The following RELCH variants were observed in gnomAD, a reference collection of about 807,000 sequenced individuals.
RELCH encodes the protein RAB11 binding and LisH domain, coiled-coil and HEAT repeat containing.
Under a neutral mutation model 150.3 loss-of-function variants are expected in RELCH, and 41 were observed. The observed-to-expected ratio is 0.27, with a 90% confidence interval of 0.21 to 0.35. The LOEUF (loss-of-function observed/expected upper bound fraction) is 0.35. Ranked by LOEUF, RELCH falls within the 10% of genes least tolerant of loss-of-function variation. RELCH has a pLI of 1.00. For synonymous variants in RELCH, 478 were observed against 531.8 expected (o/e 0.90, Z 1.39); for missense variants, 1,092 against 1,467.8 (o/e 0.74, Z 4.18).
intron 10 of RELCH, among the ~76,000 whole-genome samples, chr18:62,241,693 G>A (rs540345937): frequency 1.1e-4 from 17 of 152,230 alleles, no homozygotes; most frequent in Admixed American, 1.0e-3. Flanking sequence ...TATAAGGAAA[G>A]TTTTAAGACT....
rs144975494 is a variant in RELCH, at chr18:62,266,144, TAAAC to T, written c.2632-552_2632-549del. Among the ~76,000 whole-genome samples the T allele has an allele frequency of 7.1e-3, 1,075 of 151,966 alleles. 14 individuals are homozygous for T. The highest frequency in any genetic ancestry group is 0.025 in the African/African-American group (1,028 of 41,520). On this transcript the variant is annotated intron_variant, in intron 18 of 28. Coordinates refer to ENST00000644646, the MANE Select transcript of RELCH (RefSeq NM_001346231.2). ...GTGATAATTTTAATAATAAAAAATT[TAAAC>T]AAACCTCTGTTCTAACTTAACATAT... is the stretch of plus-strand genomic sequence containing the variant.
intron 28 of RELCH, among the ~76,000 whole-genome samples, chr18:62,299,139 C>T (rs2045551070): frequency 6.6e-6 from 1 of 152,134 alleles, no homozygotes; most frequent in South Asian, 2.1e-4. Context: ...AAGCTTCCAA[C>T]AAAATTCTTT....
At chr18:62,221,174 T>C (rs1208413763) in intron 3 of RELCH, 45 bp from the exon 4 acceptor site, 2 of 1,596,666 alleles carry the variant, frequency 1.3e-6, no homozygotes. Flanking sequence ...TGAGATATTT[T>C]AAAATGTAAA....
rs528058286 is a variant in RELCH at position 62,233,235 on chromosome 18, CTT to C, written c.1620+810_1620+811del. Among the ~76,000 whole-genome samples the C allele has an allele frequency of 2.1e-4, 32 of 151,562 alleles. No individual in the cohort carries two copies. In the East Asian group the frequency reaches 2.5e-3, roughly 12 times the overall value. ...ATAATTTAAATTATTTTATTGAACT[CTT>C]TGAGATAAAATTTTTAGATCAAAAA... On this transcript the variant is annotated intron_variant, in intron 10 of 28. Transcript: ENST00000644646.
At chr18:62,201,829 T>G (rs1335967787) in intron 1 of RELCH, among the ~76,000 whole-genome samples, 1 of 152,186 alleles carries the variant, frequency 6.6e-6, no homozygotes, top group Non-Finnish European at 1.5e-5. Flanking sequence ...CAATACTCTT[T>G]TATTAGTCGA....
In RELCH at chr18:62,277,744, A is replaced by G. The variant is rs1209148724; in HGVS notation, c.2968-2030A>G. 4 of 855,268 alleles carry G rather than the reference A, an allele frequency of 4.7e-6. No individual in the cohort carries two copies. The Admixed American group carries it at 2.5e-4, about 53-fold the overall frequency. The allele number at this position is 855,268 out of a possible 1,614,324, so 53.0% of individuals were successfully genotyped here. ...GAACCCAATCAATCATATTATTCCC[A>G]TTGTTAAATAAGGGAATATAAATTA... On this transcript the variant is annotated intron_variant, in intron 22 of 28. Coordinates refer to ENST00000644646, the MANE Select transcript of RELCH (RefSeq NM_001346231.2).
Position 62,274,105 on chromosome 18 carries a change from T to A in RELCH, c.2867+19T>A. The A allele has an allele frequency of 6.5e-7, 1 of 1,528,520 alleles. No individual in the cohort carries two copies. The highest frequency in any genetic ancestry group is 9.1e-7 in the Non-Finnish European group (1 of 1,103,948). 94.7% of individuals were successfully genotyped at this position (1,528,520 alleles called of 1,614,324 possible). On this transcript the variant is annotated intron_variant, in intron 21 of 28. Transcript: ENST00000644646. Reference sequence around the variant, plus strand: ...AATTGGGGTAAGAAATAACAGCTTATAGTTTGCTAAAAGGCATATAAAGTT... The same window carrying A: ...AATTGGGGTAAGAAATAACAGCTTAAAGTTTGCTAAAAGGCATATAAAGTT...
intron 8 of RELCH, among the ~76,000 whole-genome samples, chr18:62,229,485 G>GGGGTGTGT (rs367856972): frequency 7.0e-6 from 1 of 143,322 alleles, no homozygotes; most frequent in South Asian, 2.3e-4. Context: ...GTATAGTAGG[G>GGGGTGTGT]GTGTGTGTGT....
In RELCH at chr18:62,221,644, G is replaced by A. The variant is rs1599892210; in HGVS notation, c.858+147G>A. On this transcript the variant is annotated intron_variant, in intron 5 of 28. Coordinates refer to ENST00000644646, the MANE Select transcript of RELCH (RefSeq NM_001346231.2). ...TTACTAGAACAGCAGTCTCTTGCCTGAAGCTAATTCTATTAGCTTACAGAC... is the reference window on the plus strand; with the variant it reads ...TTACTAGAACAGCAGTCTCTTGCCTAAAGCTAATTCTATTAGCTTACAGAC... 1.5e-4 allele frequency: 66 copies of A among 445,370 alleles called. 1 individual carries two copies. The East Asian group carries it at 2.4e-3, about 16-fold the overall frequency. The allele number at this position is 445,370 out of a possible 1,614,324, so 27.6% of individuals were successfully genotyped here.
intron 28 of RELCH, among the ~76,000 whole-genome samples, chr18:62,302,619 T>C (rs8090768): frequency 0.39 from 59,372 of 151,900 alleles, 11,795 homozygotes; most frequent in Middle Eastern, 0.5. Flanking sequence ...CTCCCAGGTT[T>C]AAGCAATTCT....
intron 10 of RELCH, among the ~76,000 whole-genome samples, chr18:62,243,395 A>G (rs780989926): frequency 4.6e-5 from 7 of 152,204 alleles, no homozygotes; most frequent in African/African-American, 7.2e-5. Context: ...TCTCATTCCC[A>G]GTGCAAAATT....
rs754308448 is a variant in RELCH, at chr18:62,260,403, G to C, written c.2203-1108G>C. On this transcript the variant is annotated intron_variant, in intron 15 of 28. Transcript: ENST00000644646. Reference sequence around the variant, plus strand: ...AAAAAAAAAAAAAGATGCTGGTCAAGGTGTGGAGAAAGGGGAACCTTCGTA... The same window carrying C: ...AAAAAAAAAAAAAGATGCTGGTCAACGTGTGGAGAAAGGGGAACCTTCGTA... Among the ~76,000 whole-genome samples, 236 of 149,226 alleles carry C rather than the reference G, an allele frequency of 1.6e-3. 1 individual carries two copies. Among genetic ancestry groups the C allele is most frequent in the Non-Finnish European group, 2.8e-3 (190 of 67,322 alleles).
chr18:62,278,052 T>C lies in RELCH; in HGVS notation c.2968-1722T>C, dbSNP rs2044309535. ...TGATATTTGTACTTACTTCATCAAG[T>C]GAAAAGATCAAATGATATATTGTGT... On this transcript the variant is annotated intron_variant, in intron 22 of 28. Coordinates refer to ENST00000644646, the MANE Select transcript of RELCH (RefSeq NM_001346231.2). 1.9e-5 allele frequency: 3 copies of C among 154,940 alleles called. No individual in the cohort carries two copies. The Admixed American group carries it at 2.0e-4, about 10-fold the overall frequency. 9.6% of individuals were successfully genotyped at this position (154,940 alleles called of 1,614,324 possible).
At chr18:62,211,496 C>T (rs1233507321) in intron 2 of RELCH, among the ~76,000 whole-genome samples, 1 of 152,160 alleles carries the variant, frequency 6.6e-6, no homozygotes, top group East Asian at 1.9e-4. Context: ...AGTTTACAAC[C>T]ACACAGTTGT....
At chr18:62,225,893 C>A (rs191464747) in intron 5 of RELCH, among the ~76,000 whole-genome samples, 455 of 151,752 alleles carry the variant, frequency 3.0e-3, no homozygotes, top group Non-Finnish European at 4.3e-3. Context: ...TACAAAAACC[C>A]TAAGAGATAA....
intron 3 of RELCH, 36 bp from the exon 4 acceptor site, chr18:62,221,183 A>G (rs1184095172): frequency 3.8e-6 from 6 of 1,595,122 alleles, no homozygotes; most frequent in African/African-American, 1.3e-5. Context: ...TTAAAATGTA[A>G]AATAGTAAAA....
chr18:62,240,448 A>C, intron 10 of RELCH, among the ~76,000 whole-genome samples: 2 of 135,300 alleles, frequency 1.5e-5, no homozygotes, highest in Admixed American at 7.9e-5. Context: ...TCACTCTGTC[A>C]CCCAGGCTGG....
chr18:62,214,721 C>T (rs2040379878), intron 2 of RELCH, among the ~76,000 whole-genome samples: 1 of 152,204 alleles, frequency 6.6e-6, no homozygotes, highest in African/African-American at 2.4e-5. Flanking sequence ...CCAAAGCTTA[C>T]TGCTTGCACC....
chr18:62,226,860 T>C (rs2041247897), intron 5 of RELCH, among the ~76,000 whole-genome samples: 1 of 152,112 alleles, frequency 6.6e-6, no homozygotes, highest in Non-Finnish European at 1.5e-5. Flanking sequence ...CACTTTGATA[T>C]TATAACAAAA....
Sources: gnomAD v4.1 joint callset for allele counts (sites outside exome capture counted in the v4.1 genomes callset) on GRCh38, gnomAD v4.1.1 for gene constraint, MANE v1.5 for transcripts, NCBI Gene and HGNC (gene_info 2026-07-23, HGNC 2026-07-21) for gene names.